The following C2orf76 variants were observed in gnomAD, a reference collection of about 807,000 sequenced individuals.
C2orf76 encodes UPF0538 protein C2orf76.
Under a neutral mutation model 16.9 loss-of-function variants are expected in C2orf76, and 23 were observed. That is an observed-to-expected ratio of 1.36 (90% CI 0.98 to 1.93). The LOEUF is 1.93. Among genes scored for constraint, C2orf76 ranks in the 30% most tolerant of loss-of-function variants. C2orf76 has a pLI of 0.00. For synonymous variants in C2orf76, 48 were observed against 52.3 expected, an observed-to-expected ratio of 0.92 and a Z score of 0.35; for missense variants, 152 against 152.6, an observed-to-expected ratio of 1.00 and a Z score of 0.02.
the C2orf76 span, among the ~76,000 whole-genome samples, chr2:119,283,260 C>T: frequency 3.3e-5 from 5 of 152,138 alleles, no homozygotes; most frequent in Admixed American, 6.5e-5. Flanking sequence ...CTCCTCCCTG[C>T]CTCCCATTCT....
chr2:119,320,124 C>G (rs531011875), intron 3 of C2orf76, among the ~76,000 whole-genome samples: 1 of 152,246 alleles, frequency 6.6e-6, no homozygotes, highest in East Asian at 1.9e-4. Flanking sequence ...CTTGGATATT[C>G]TAACGCTTTC....
chr2:119,363,254 C>G (rs1474926892), intron 1 of C2orf76, among the ~76,000 whole-genome samples: 38 of 152,074 alleles, frequency 2.5e-4, no homozygotes, highest in Non-Finnish European at 1.5e-5. Flanking sequence ...GAAACCCCGT[C>G]TCTACCCAAA....
At chr2:119,312,459 A>G (rs11694772) in intron 4 of C2orf76, among the ~76,000 whole-genome samples, 2,093 of 152,126 alleles carry the variant, frequency 0.014, 16 homozygotes, top group Non-Finnish European at 0.023. Context: ...TATCTTGCCC[A>G]GGCTCGTCTC....
At chr2:119,321,383 C>T (rs1679336713) in intron 2 of C2orf76, among the ~76,000 whole-genome samples, 179 bp from the exon 3 acceptor site, 1 of 151,998 alleles carries the variant, frequency 6.6e-6, no homozygotes, top group Non-Finnish European at 1.5e-5. Flanking sequence ...CATTCTCATA[C>T]CACTATAAAG....
At chr2:119,289,068 G>A in the C2orf76 span, among the ~76,000 whole-genome samples, 1 of 152,112 alleles carries the variant, frequency 6.6e-6, no homozygotes, top group South Asian at 2.1e-4. Context: ...TGGAAAGAGA[G>A]GAAGAGAGAA....
At chr2:119,315,925 A>G (rs1416929594) in intron 4 of C2orf76, among the ~76,000 whole-genome samples, 2 of 152,248 alleles carry the variant, frequency 1.3e-5, no homozygotes, top group Non-Finnish European at 2.9e-5. Context: ...TAATTTGAAC[A>G]TGATGAACTA....
At chr2:119,346,584 T>C (rs1235977480) in intron 1 of C2orf76, among the ~76,000 whole-genome samples, 2 of 152,186 alleles carry the variant, frequency 1.3e-5, no homozygotes, top group Non-Finnish European at 2.9e-5. Flanking sequence ...ATTCTTATGA[T>C]GACAAAATTA....
intron 1 of C2orf76, among the ~76,000 whole-genome samples, chr2:119,348,339 T>C (rs1680271628): frequency 6.6e-6 from 1 of 152,224 alleles, no homozygotes. Flanking sequence ...TAAAGGGTGA[T>C]ATGGATGTAT....
chr2:119,305,944 A>AC (rs70947270), intron 5 of C2orf76, among the ~76,000 whole-genome samples: 30,844 of 84,506 alleles, frequency 0.36, 3,532 homozygotes, highest in Middle Eastern at 0.44. Context: ...AACAACAACA[A>AC]AAAAAAAAAA....
the C2orf76 span, among the ~76,000 whole-genome samples, chr2:119,293,300 C>T: frequency 6.6e-6 from 1 of 152,148 alleles, no homozygotes; most frequent in Non-Finnish European, 1.5e-5. Context: ...TTTGAGCAGA[C>T]AGCTGACAGA....
intron 1 of C2orf76, among the ~76,000 whole-genome samples, chr2:119,353,662 CAA>C (rs1680475853): frequency 6.7e-6 from 1 of 149,046 alleles, no homozygotes; most frequent in Non-Finnish European, 1.5e-5. Context: ...CTCCCATGTT[CAA>C]GTGATTCTCC....
rs551264849 is a variant in C2orf76, at chr2:119,322,348, A to G, written c.134-1144T>C. 1.3e-4 allele frequency among the ~76,000 whole-genome samples: 20 copies of G among 152,182 alleles called. No individual in the cohort carries two copies. In the South Asian group the frequency reaches 3.9e-3, roughly 30 times the overall value. On this transcript the variant is annotated intron_variant, in intron 2 of 5. Coordinates refer to ENST00000334816, the MANE Select transcript of C2orf76 (RefSeq NM_001322331.2). ...CAACCCCCCAAGTAGCTGGGATTAC[A>G]GGTGCATGCCACCGCACCCAGCAAT...
At chr2:119,327,213 G>A (rs1355487215) in intron 2 of C2orf76, among the ~76,000 whole-genome samples, 1 of 152,138 alleles carries the variant, frequency 6.6e-6, no homozygotes, top group East Asian at 1.9e-4. Flanking sequence ...TCAGGTAGAG[G>A]AAGTTCCTTT....
the C2orf76 span, among the ~76,000 whole-genome samples, chr2:119,282,704 C>T: frequency 6.6e-6 from 1 of 152,202 alleles, no homozygotes; most frequent in Non-Finnish European, 1.5e-5. Context: ...GAAAACAGAG[C>T]TGCATCCCTG....
At chr2:119,316,266 A>C (rs1337204713) in intron 4 of C2orf76, among the ~76,000 whole-genome samples, 2 of 152,256 alleles carry the variant, frequency 1.3e-5, no homozygotes, top group Non-Finnish European at 2.9e-5. Flanking sequence ...TCAAAAGGGC[A>C]GATTCCATAC....
Position 119,302,235 on chromosome 2 carries a change from TAAC to T in C2orf76, c.*234_*236del. 3.1e-6 allele frequency: 1 copy of T among 323,764 alleles called. No homozygotes were observed. The highest frequency in any genetic ancestry group is 2.1e-5 in the African/African-American group (1 of 46,898). The allele number at this position is 323,764 out of a possible 1,614,324, so 20.1% of individuals were successfully genotyped here. A position where few individuals can be genotyped will look rare whatever the true frequency, so the allele number is the denominator to read the frequency against. ...ATCAATATTCCACAATAATTTTTAA[TAAC>T]AATTTATTTCCCTTTAAAAAGATCA... On this transcript the variant is annotated 3_prime_UTR_variant, in exon 6 of 6. Coordinates refer to ENST00000334816, the MANE Select transcript of C2orf76 (RefSeq NM_001322331.2).
At chr2:119,318,128 TCAGGC>T (rs1679232664) in intron 3 of C2orf76, among the ~76,000 whole-genome samples, 1 of 152,210 alleles carries the variant, frequency 6.6e-6, no homozygotes, top group African/African-American at 2.4e-5. Context: ...TATCTTGAAG[TCAGGC>T]TACACTGTGC....
intron 2 of C2orf76, among the ~76,000 whole-genome samples, chr2:119,326,916 C>A (rs1157875363): frequency 6.6e-6 from 1 of 151,946 alleles, no homozygotes; most frequent in East Asian, 1.9e-4. Context: ...TATCTTATAA[C>A]CTTGCTAAGC....
rs368876924 is a variant in C2orf76 at position 119,363,919 on chromosome 2, G to A, written c.-13+2871C>T. ...TGTAGTCCCAGCTACTCGGGAGGCT[G>A]AGGTGGGAGAATCATCTGAGCCCAG... On this transcript the variant is annotated intron_variant, in intron 1 of 5. Transcript: ENST00000334816. 8.5e-5 allele frequency among the ~76,000 whole-genome samples: 13 copies of A among 152,208 alleles called. No homozygotes were observed. In the East Asian group the frequency reaches 2.1e-3, roughly 25 times the overall value.
Sources: gnomAD v4.1 joint callset for allele counts (sites outside exome capture counted in the v4.1 genomes callset) on GRCh38, gnomAD v4.1.1 for gene constraint, MANE v1.5 for transcripts, NCBI Gene and HGNC (gene_info 2026-07-23, HGNC 2026-07-21) for gene names.